FOXN3: variants seen among roughly 807,000 people sequenced by gnomAD.
FOXN3 encodes the protein forkhead box N3, also known as forkhead box protein N3.
Under a neutral mutation model 38.4 loss-of-function variants are expected in FOXN3, and 7 were observed. The observed-to-expected ratio is 0.18, with a 90% confidence interval of 0.10 to 0.34. FOXN3 has a LOEUF of 0.34. Ranked by LOEUF, FOXN3 falls within the 10% of genes least tolerant of loss-of-function variation. The pLI is 1.00. For missense variants in FOXN3, 456 were observed against 613.4 expected (o/e 0.74, Z 2.71); for synonymous variants, 230 against 242.2 (o/e 0.95, Z 0.47).
At chr14:89,410,309 A>G (rs1044671689) in intron 2 of FOXN3, among the ~76,000 whole-genome samples, 2 of 152,326 alleles carry the variant, frequency 1.3e-5, no homozygotes, top group African/African-American at 4.8e-5. Flanking sequence ...AGCCCCGCAC[A>G]GCCACTGATC....
intron 4 of FOXN3, among the ~76,000 whole-genome samples, chr14:89,266,070 A>T (rs1885970639): frequency 6.6e-6 from 1 of 152,200 alleles, no homozygotes; most frequent in Non-Finnish European, 1.5e-5. Flanking sequence ...GTTGACCCCT[A>T]CAGTCCCAGC....
chr14:89,254,396 G>A (rs1242410927), intron 4 of FOXN3, among the ~76,000 whole-genome samples: 2 of 152,158 alleles, frequency 1.3e-5, no homozygotes, highest in Non-Finnish European at 2.9e-5. Flanking sequence ...CTGAGTGTCT[G>A]TAAGGGAGGT....
At chr14:89,243,018 C>T (rs930193178) in intron 4 of FOXN3, among the ~76,000 whole-genome samples, 20 of 152,276 alleles carry the variant, frequency 1.3e-4, no homozygotes, top group Admixed American at 7.2e-4. Context: ...GTCCTGCCCC[C>T]TGATGGGAGA....
At chr14:89,315,495 T>C (rs3783860) in intron 3 of FOXN3, among the ~76,000 whole-genome samples, 115,157 of 151,422 alleles carry the variant, frequency 0.76, 43,931 homozygotes, top group Middle Eastern at 0.83. Flanking sequence ...TCCAGTCTCG[T>C]AGGCATGTCT....
intron 3 of FOXN3, among the ~76,000 whole-genome samples, chr14:89,311,638 A>T (rs188135418): frequency 1.4e-5 from 2 of 145,988 alleles, no homozygotes; most frequent in East Asian, 3.9e-4. Flanking sequence ...CATCCTGGCT[A>T]ACCGGATGAA....
chr14:89,313,928 A>G (rs1302189830), intron 3 of FOXN3, among the ~76,000 whole-genome samples: 1 of 152,202 alleles, frequency 6.6e-6, no homozygotes, highest in Non-Finnish European at 1.5e-5. Flanking sequence ...AGGTACCCAG[A>G]GTAGTCAAAT....
chr14:89,485,162 A>AAG (rs1893421437), intron 1 of FOXN3, among the ~76,000 whole-genome samples: 1 of 150,950 alleles, frequency 6.6e-6, no homozygotes, highest in Admixed American at 6.6e-5. Context: ...AAAAAAAAAA[A>AAG]AAGACCCAGG....
chr14:89,526,240 T>C (rs540765241), intron 1 of FOXN3, among the ~76,000 whole-genome samples: 2 of 152,288 alleles, frequency 1.3e-5, no homozygotes, highest in South Asian at 4.1e-4. Flanking sequence ...GACTTCTATT[T>C]AATATTGTAT....
At chr14:89,451,211 C>T (rs1892606929) in intron 1 of FOXN3, among the ~76,000 whole-genome samples, 1 of 152,188 alleles carries the variant, frequency 6.6e-6, no homozygotes, top group African/African-American at 2.4e-5. Flanking sequence ...TCTCATTTTG[C>T]TACTGATGTA....
intron 5 of FOXN3, among the ~76,000 whole-genome samples, chr14:89,179,642 A>T (rs1222318352): frequency 1.3e-5 from 2 of 152,196 alleles, no homozygotes; most frequent in African/African-American, 4.8e-5. Flanking sequence ...CCAGGACAGA[A>T]AGGGACACAC....
chr14:89,461,028 TA>T lies in FOXN3; in HGVS notation c.-14-48539del, dbSNP rs201694695. On this transcript the variant is annotated intron_variant, in intron 1 of 6. Transcript: ENST00000345097. ...GGGCAACAAGAGCGAAACTCCATCT[TA>T]AAAAAAAAAGGGGGGGGGAGGGGGC... Among the ~76,000 whole-genome samples, 570 of 85,922 alleles carry T rather than the reference TA, an allele frequency of 6.6e-3. 3 individuals are homozygous for T. Among genetic ancestry groups the T allele is most frequent in the Middle Eastern group, 0.013 (2 of 152 alleles). The allele number at this position is 85,922 out of a possible 152,430, so 56.4% of individuals were successfully genotyped here. A position where few individuals can be genotyped will look rare whatever the true frequency, so the allele number is the denominator to read the frequency against.
chr14:89,505,766 T>C (rs1893908256), intron 1 of FOXN3, among the ~76,000 whole-genome samples: 1 of 150,206 alleles, frequency 6.7e-6, no homozygotes. Context: ...CCTCTCTGCC[T>C]GGCTGCCCAG....
At chr14:89,319,274 G>A (rs1356743533) in intron 3 of FOXN3, among the ~76,000 whole-genome samples, 7 of 152,116 alleles carry the variant, frequency 4.6e-5, no homozygotes, top group Admixed American at 2.0e-4. Context: ...CATGCTCATG[G>A]CTATGATTTA....
At chr14:89,218,532 C>T (rs1237618754) in intron 4 of FOXN3, among the ~76,000 whole-genome samples, 2 of 152,216 alleles carry the variant, frequency 1.3e-5, no homozygotes, top group African/African-American at 2.4e-5. Context: ...TGAAGACAAA[C>T]GTATACATTG....
At chr14:89,529,578 T>C (rs368662996) in intron 1 of FOXN3, among the ~76,000 whole-genome samples, 1 of 152,228 alleles carries the variant, frequency 6.6e-6, no homozygotes, top group African/African-American at 2.4e-5. Context: ...AAGCAGTGCC[T>C]AAGAATTTCA....
chr14:89,514,100 G>A (rs1020578199), intron 1 of FOXN3, among the ~76,000 whole-genome samples: 4 of 152,146 alleles, frequency 2.6e-5, no homozygotes, highest in Non-Finnish European at 5.9e-5. Context: ...CATCTTGAAA[G>A]ACAAGATAAT....
chr14:89,379,377 G>A (rs1031315864), intron 2 of FOXN3, among the ~76,000 whole-genome samples: 6 of 152,100 alleles, frequency 3.9e-5, no homozygotes, highest in African/African-American at 7.2e-5. Context: ...TGGTATTTGC[G>A]GCCGGGTAAT....
At chr14:89,489,977 C>T (rs1458716282) in intron 1 of FOXN3, among the ~76,000 whole-genome samples, 2 of 152,250 alleles carry the variant, frequency 1.3e-5, no homozygotes, top group African/African-American at 4.8e-5. Flanking sequence ...GTGTCTGATA[C>T]AACTGCAGGC....
intron 1 of FOXN3, among the ~76,000 whole-genome samples, chr14:89,501,379 C>T (rs1893796584): frequency 6.6e-6 from 1 of 152,184 alleles, no homozygotes; most frequent in South Asian, 2.1e-4. Flanking sequence ...GCAGTCAGGT[C>T]GGGAGTGGAC....
Sources: gnomAD v4.1 joint callset for allele counts (sites outside exome capture counted in the v4.1 genomes callset) on GRCh38, gnomAD v4.1.1 for gene constraint, MANE v1.5 for transcripts, NCBI Gene and HGNC (gene_info 2026-07-23, HGNC 2026-07-21) for gene names.